The following CTNND2 variants were observed in gnomAD, a reference collection of about 807,000 sequenced individuals.
CTNND2 encodes the protein catenin delta-2.
A neutral mutation model predicts 144.4 loss-of-function variants in CTNND2; 22 were observed. That is an observed-to-expected ratio of 0.15 (90% CI 0.11 to 0.22). The LOEUF (loss-of-function observed/expected upper bound fraction) is 0.22, where lower values mean the gene tolerates loss of function less well. Among genes scored for constraint, CTNND2 ranks in the 10% least tolerant of loss-of-function variants. CTNND2 has a pLI of 1.00. For missense variants in CTNND2, 1,353 were observed against 1,618.8 expected (o/e 0.84, Z 2.82); for synonymous variants, 751 against 695.6 (o/e 1.08, Z -1.25).
rs1468831143 is a variant in CTNND2 at position 11,384,597 on chromosome 5, C to T, written c.1177+68G>A. 6 of 1,460,666 alleles carry T rather than the reference C, an allele frequency of 4.1e-6. No individual in the cohort carries two copies. Among genetic ancestry groups the T allele is most frequent in the Admixed American group, 2.2e-5 (1 of 44,738 alleles). The allele number at this position is 1,460,666 out of a possible 1,614,324, so 90.5% of individuals were successfully genotyped here. Reference sequence around the variant, plus strand: ...CGCCCGGCTTCGCTTCTGCTCAAGCCGGGCTGCTGCTTCCGCGTCCCCGCC... The same window carrying T: ...CGCCCGGCTTCGCTTCTGCTCAAGCTGGGCTGCTGCTTCCGCGTCCCCGCC... On this transcript the variant is annotated intron_variant, in intron 7 of 21. Transcript: ENST00000304623. This position sits in a 1 kb window ranked among gnomAD's most constrained non-coding sequence, Gnocchi z 5.2.
chr5:11,792,031 C>T (rs1312510131), intron 1 of CTNND2, among the ~76,000 whole-genome samples: 5 of 152,174 alleles, frequency 3.3e-5, no homozygotes, highest in Non-Finnish European at 1.5e-5. Flanking sequence ...ACTTGCTGTC[C>T]AAGTCATATG....
intron 9 of CTNND2, among the ~76,000 whole-genome samples, chr5:11,252,764 C>T (rs1277952489): frequency 1.3e-5 from 2 of 152,184 alleles, no homozygotes; most frequent in Admixed American, 1.3e-4. Context: ...TCTCATCAAA[C>T]ACTTTTTGTT....
chr5:10,981,692 G>T, intron 21 of CTNND2, 81 bp downstream of exon 21: 1 of 1,352,790 alleles, frequency 7.4e-7, no homozygotes, highest in Non-Finnish European at 1.1e-6. Flanking sequence ...TATGTTGGAT[G>T]AAAGTTTATG....
intron 12 of CTNND2, among the ~76,000 whole-genome samples, chr5:11,135,519 T>C (rs965389738): frequency 3.3e-5 from 5 of 152,192 alleles, no homozygotes; most frequent in East Asian, 1.9e-4. Context: ...TGTACATCGG[T>C]AGATTCAGTG....
At chr5:11,764,267 G>A (rs1035004419) in intron 1 of CTNND2, among the ~76,000 whole-genome samples, 1 of 152,152 alleles carries the variant, frequency 6.6e-6, no homozygotes, top group African/African-American at 2.4e-5. Flanking sequence ...AAGCAGTGCA[G>A]ACCTACCAAC....
chr5:11,385,929 C>G (rs895340161), intron 6 of CTNND2: 7 of 152,090 alleles, frequency 4.6e-5, no homozygotes, highest in African/African-American at 1.7e-4. Context: ...CCTCCCTTTT[C>G]TAGATTTTAA....
At chr5:11,151,536 A>T (rs1757758251) in intron 12 of CTNND2, among the ~76,000 whole-genome samples, 1 of 152,196 alleles carries the variant, frequency 6.6e-6, no homozygotes, top group Admixed American at 6.5e-5. Context: ...TTAATGGAAA[A>T]ATCCAAATAT....
chr5:11,485,607 G>A (rs966847774), intron 3 of CTNND2, among the ~76,000 whole-genome samples: 9 of 152,094 alleles, frequency 5.9e-5, no homozygotes, highest in African/African-American at 1.9e-4. Context: ...TAAACTCATA[G>A]GCATATGAGA....
At chr5:11,581,270 T>C (rs1217821638) in intron 2 of CTNND2, among the ~76,000 whole-genome samples, 1 of 152,024 alleles carries the variant, frequency 6.6e-6, no homozygotes, top group Non-Finnish European at 1.5e-5. Flanking sequence ...TTATCTTATA[T>C]TTTTCAGCGT....
chr5:11,581,021 T>C (rs1778389419), intron 2 of CTNND2, among the ~76,000 whole-genome samples: 1 of 152,236 alleles, frequency 6.6e-6, no homozygotes, highest in Admixed American at 6.5e-5. Context: ...ATTTCACATA[T>C]GGCCTAAAAG....
At chr5:11,370,684 T>C (rs1282450362) in intron 7 of CTNND2, among the ~76,000 whole-genome samples, 4 of 152,226 alleles carry the variant, frequency 2.6e-5, no homozygotes, top group African/African-American at 9.6e-5. Flanking sequence ...TATTTTTCCA[T>C]GTTTTCATTT....
intron 1 of CTNND2, among the ~76,000 whole-genome samples, chr5:11,748,079 T>A (rs140702835): frequency 2.0e-3 from 311 of 152,256 alleles, no homozygotes; most frequent in African/African-American, 7.0e-3. Flanking sequence ...AGAGACTGTA[T>A]CAATCAGTGT....
rs116377385 is a variant in CTNND2 at position 11,597,139 on chromosome 5, T to C, written c.175-32083A>G. Reference sequence around the variant, plus strand: ...AACAGGCTCCGTGACTTATCATTTGTAGAAACAGCACATTGTTCTTCTAGA... The same window carrying C: ...AACAGGCTCCGTGACTTATCATTTGCAGAAACAGCACATTGTTCTTCTAGA... On this transcript the variant is annotated intron_variant, in intron 2 of 21. Transcript: ENST00000304623. Among the ~76,000 whole-genome samples the C allele has an allele frequency of 1.0e-2, 1,519 of 152,326 alleles. 11 individuals are homozygous for C. The highest frequency in any genetic ancestry group is 0.027 in the East Asian group (141 of 5,178).
At chr5:11,699,062 CAT>C (rs1335203274) in intron 2 of CTNND2, among the ~76,000 whole-genome samples, 11 of 151,458 alleles carry the variant, frequency 7.3e-5, no homozygotes, top group Admixed American at 2.0e-4. Flanking sequence ...CCCACACACA[CAT>C]AGTTAGATTT....
intron 20 of CTNND2, among the ~76,000 whole-genome samples, chr5:10,987,646 G>A (rs1409726658): frequency 3.3e-4 from 38 of 116,434 alleles, no homozygotes; most frequent in Non-Finnish European, 5.2e-4. Context: ...TCCATTCCCC[G>A]TCCCTCCCCT....
At chr5:11,427,794 A>G (rs31894) in intron 3 of CTNND2, among the ~76,000 whole-genome samples, 118,836 of 151,560 alleles carry the variant, frequency 0.78, 47,242 homozygotes, top group East Asian at 0.98. Flanking sequence ...CATGTCTGCA[A>G]TCTTTTTGCT....
At chr5:11,566,734 C>T (rs1315249740) in intron 2 of CTNND2, among the ~76,000 whole-genome samples, 1 of 152,180 alleles carries the variant, frequency 6.6e-6, no homozygotes, top group Non-Finnish European at 1.5e-5. Context: ...TCCGCTAGGA[C>T]GGATGTTGCT....
At chr5:11,194,898 G>T (rs1034445075) in intron 11 of CTNND2, among the ~76,000 whole-genome samples, 1 of 152,152 alleles carries the variant, frequency 6.6e-6, no homozygotes, top group Admixed American at 6.5e-5. Flanking sequence ...TTGGGCCCCT[G>T]GTAGTGGGAG....
At chr5:11,632,676 G>A (rs1014217326) in intron 2 of CTNND2, among the ~76,000 whole-genome samples, 2 of 152,016 alleles carry the variant, frequency 1.3e-5, no homozygotes, top group African/African-American at 4.8e-5. Flanking sequence ...TTTAGGAGAT[G>A]GAAGATTTCA....
Sources: allele counts gnomAD v4.1 joint callset (sites outside exome capture counted in the v4.1 genomes callset), GRCh38; gene constraint gnomAD v4.1.1; non-coding constraint Gnocchi (gnomAD v3.1); transcripts MANE v1.5; gene names NCBI Gene and HGNC (gene_info 2026-07-23, HGNC 2026-07-21).